Variants in NALCN observed in about 807,000 individuals in gnomAD.
NALCN encodes the protein sodium leak channel NALCN.
A neutral mutation model predicts 225.3 loss-of-function variants in NALCN; 111 were observed. The ratio of observed to expected loss-of-function variants is 0.49; its 90% CI spans 0.42 to 0.58. NALCN has a LOEUF of 0.58. Ranked by LOEUF, NALCN falls within the 20% of genes least tolerant of loss-of-function variation. The probability of loss-of-function intolerance (pLI) is 0.00; values close to 1 mark genes in which losing one functional copy is unlikely to be tolerated. For synonymous variants in NALCN, 764 were observed against 769.0 expected (o/e 0.99, Z 0.11); for missense variants, 1,378 against 2,202.4 (o/e 0.63, Z 7.49).
intron 3 of NALCN, among the ~76,000 whole-genome samples, chr13:101,392,090 C>T (rs1325024907): frequency 6.6e-6 from 1 of 151,572 alleles, no homozygotes; most frequent in Admixed American, 6.6e-5. Flanking sequence ...CAAAGGAACC[C>T]CCACAAAAAC....
At chr13:101,115,147 T>C (rs954743289) in intron 18 of NALCN, among the ~76,000 whole-genome samples, 3 of 152,202 alleles carry the variant, frequency 2.0e-5, no homozygotes, top group Non-Finnish European at 2.9e-5. Context: ...AGCATGTGTT[T>C]AAAATATACT....
intron 11 of NALCN, among the ~76,000 whole-genome samples, chr13:101,257,189 C>A (rs1241121765): frequency 2.1e-5 from 3 of 144,042 alleles, no homozygotes; most frequent in Admixed American, 7.2e-5. Context: ...CTCCATAGCA[C>A]AAAACTCTTA....
chr13:101,285,390 C>T (rs1165069099), intron 9 of NALCN, among the ~76,000 whole-genome samples: 1 of 152,038 alleles, frequency 6.6e-6, no homozygotes, highest in African/African-American at 2.4e-5. Context: ...ACCTCCACCT[C>T]CCGGGTTCAA....
chr13:101,116,888 G>A (rs554031305), intron 18 of NALCN: 3 of 489,484 alleles, frequency 6.1e-6, no homozygotes, highest in Admixed American at 4.3e-5. Context: ...TAAGAGAATA[G>A]ATAATGAGTA....
At chr13:101,180,837 C>A in intron 14 of NALCN, 1 of 329,698 alleles carries the variant, frequency 3.0e-6, no homozygotes, top group South Asian at 2.4e-5. Context: ...CGGAAACACG[C>A]TTTGTCTCTC....
At chr13:101,159,026 G>A (rs1226201946) in intron 15 of NALCN, among the ~76,000 whole-genome samples, 1 of 152,156 alleles carries the variant, frequency 6.6e-6, no homozygotes, top group Non-Finnish European at 1.5e-5. Flanking sequence ...AAGATGAAAT[G>A]ATCCAGTTAA....
intron 1 of NALCN, among the ~76,000 whole-genome samples, chr13:101,414,274 C>T (rs544726089): frequency 6.6e-6 from 1 of 152,266 alleles, no homozygotes; most frequent in Non-Finnish European, 1.5e-5. Context: ...TATCCACCTG[C>T]TTACATATTT....
chr13:101,089,593 GAAAC>G lies in NALCN; in HGVS notation c.3489+66_3489+69del, dbSNP rs960856389. ...AGCGGCTTCACGCCGCGTGTGAAAA[GAAAC>G]AAATAGCTCAAAGTGAGTGGCTAGA... On this transcript the variant is annotated intron_variant, in intron 30 of 43. Coordinates refer to ENST00000251127, the MANE Select transcript of NALCN (RefSeq NM_052867.4). This position sits in a 1 kb window ranked among gnomAD's most constrained non-coding sequence, Gnocchi z 4.7. The G allele has an allele frequency of 1.4e-6, 2 of 1,430,392 alleles. No individual in the cohort carries two copies. The highest frequency in any genetic ancestry group is 1.4e-5 in the African/African-American group (1 of 70,188). 88.6% of individuals were successfully genotyped at this position (1,430,392 alleles called of 1,614,324 possible).
intron 10 of NALCN, among the ~76,000 whole-genome samples, chr13:101,276,500 G>C (rs1199581228): frequency 6.6e-6 from 1 of 152,170 alleles, no homozygotes; most frequent in African/African-American, 2.4e-5. Flanking sequence ...AAATTTACAA[G>C]TATGTGCATT....
chr13:101,288,044 T>G (rs765147980), intron 9 of NALCN, among the ~76,000 whole-genome samples: 2 of 152,122 alleles, frequency 1.3e-5, no homozygotes, highest in Non-Finnish European at 2.9e-5. Context: ...AATTTATGGT[T>G]TTTCAAAAAA....
At chr13:101,072,860 C>A (rs1036305958) in intron 37 of NALCN, among the ~76,000 whole-genome samples, 1 of 152,168 alleles carries the variant, frequency 6.6e-6, no homozygotes, top group Non-Finnish European at 1.5e-5. Context: ...ATTTTAAATG[C>A]TCCATAACCA....
Position 101,083,088 on chromosome 13 carries a change from G to A in NALCN, c.3690+4C>T. 2 of 1,613,706 alleles carry A rather than the reference G, an allele frequency of 1.2e-6. No homozygotes were observed. Among genetic ancestry groups the A allele is most frequent in the Non-Finnish European group, 1.7e-6 (2 of 1,179,734 alleles). On this transcript the variant is annotated splice_donor_region_variant and intron_variant, in intron 32 of 43. Transcript: ENST00000251127. Reference sequence around the variant, plus strand: ...TCCCGGAGTCTTAGGGTGAAACGAAGTACCTTGACAGAGAGCAACACCGAC... The same window carrying A: ...TCCCGGAGTCTTAGGGTGAAACGAAATACCTTGACAGAGAGCAACACCGAC...
chr13:101,060,283 T>TTTTTTTG (rs1411273761), intron 41 of NALCN, among the ~76,000 whole-genome samples: 20 of 138,826 alleles, frequency 1.4e-4, no homozygotes, highest in African/African-American at 5.4e-4. Context: ...CTGTTTTTTT[T>TTTTTTTG]TTTTTTTTTT....
chr13:101,225,898 T>G (rs1258396418), intron 13 of NALCN, among the ~76,000 whole-genome samples: 1 of 152,182 alleles, frequency 6.6e-6, no homozygotes, highest in Non-Finnish European at 1.5e-5. Context: ...TCAAAGATTT[T>G]TTAACTGACA....
chr13:101,080,679 T>C (rs2033585830), intron 34 of NALCN, among the ~76,000 whole-genome samples: 2 of 146,458 alleles, frequency 1.4e-5, no homozygotes, highest in African/African-American at 5.0e-5. Flanking sequence ...ATAATAAAAA[T>C]ATATACATAC....
intron 30 of NALCN, among the ~76,000 whole-genome samples, chr13:101,088,906 T>C (rs2034068047): frequency 1.3e-5 from 1 of 78,160 alleles, no homozygotes; most frequent in African/African-American, 7.9e-5. Flanking sequence ...TTTTTCTTTT[T>C]TTTCTTTTTT....
At chr13:101,073,748 C>T (rs2033063496) in intron 36 of NALCN, 71 bp from the exon 37 acceptor site, 1 of 1,339,612 alleles carries the variant, frequency 7.5e-7, no homozygotes, top group Admixed American at 1.9e-5. Flanking sequence ...CATGGTTTGC[C>T]AACACCAAAA....
At chr13:101,227,653 C>G (rs2041197058) in intron 13 of NALCN, among the ~76,000 whole-genome samples, 1 of 152,176 alleles carries the variant, frequency 6.6e-6, no homozygotes. Context: ...ACTCCCTCCC[C>G]TGTATGTAAG....
intron 7 of NALCN, among the ~76,000 whole-genome samples, chr13:101,337,277 ATTATTTATTTAT>A (rs3062886): frequency 0.017 from 2,469 of 142,604 alleles, 71 homozygotes; most frequent in African/African-American, 0.058. Context: ...TTTACTCTTT[ATTATTTATTTAT>A]TTATTTATTT....
Sources: allele counts gnomAD v4.1 joint callset (sites outside exome capture counted in the v4.1 genomes callset), GRCh38; gene constraint gnomAD v4.1.1; non-coding constraint Gnocchi (gnomAD v3.1); transcripts MANE v1.5; gene names NCBI Gene and HGNC (gene_info 2026-07-23, HGNC 2026-07-21).